Variants in GIMAP2 observed in about 807,000 individuals in gnomAD.
GIMAP2 encodes the protein GTPase IMAP family member 2.
A neutral mutation model predicts 25.5 loss-of-function variants in GIMAP2; 22 were observed. The observed-to-expected ratio is 0.86, with a 90% CI of 0.62 to 1.23. GIMAP2 has a LOEUF of 1.23. Among genes scored for constraint, GIMAP2 ranks in the 50% most tolerant of loss-of-function variants. The pLI is 0.00. For synonymous variants in GIMAP2, 167 were observed against 143.0 expected, an observed-to-expected ratio of 1.17 and a Z score of -1.20; for missense variants, 422 against 395.7, an observed-to-expected ratio of 1.07 and a Z score of -0.56.
At chr7:150,691,628 T>G (rs1585207942) in intron 2 of GIMAP2, among the ~76,000 whole-genome samples, 1 of 152,302 alleles carries the variant, frequency 6.6e-6, no homozygotes, top group East Asian at 1.9e-4. Context: ...AAGGTCAAAG[T>G]AGCAACCTCT....
chr7:150,692,435 C>G lies in GIMAP2; in HGVS notation c.149C>G (p.Ser50Trp). The G allele has an allele frequency of 2.5e-6, 4 of 1,614,122 alleles. No homozygotes were observed. The highest frequency in any genetic ancestry group is 2.5e-6 in the Non-Finnish European group (3 of 1,180,016). Residue 50 changes from serine to tryptophan, a missense_variant, in exon 3 of 3, where the codon TCG becomes TGG. Transcript: ENST00000223293. ...NSILRKQAFE[S>W]KLGSQTLTKT... Reference sequence around the variant, plus strand: ...ATCCTCAGGAAGCAAGCATTTGAATCGAAGCTGGGTTCCCAGACCTTGACT... The same window carrying G: ...ATCCTCAGGAAGCAAGCATTTGAATGGAAGCTGGGTTCCCAGACCTTGACT...
chr7:150,687,351 C>A lies in GIMAP2; in HGVS notation c.28+264C>A, dbSNP rs111490398. The A allele has an allele frequency of 6.6e-3, 2,283 of 343,864 alleles. 54 individuals are homozygous for A. Among genetic ancestry groups the A allele is most frequent in the African/African-American group, 0.044 (2,094 of 47,208 alleles). The allele number at this position is 343,864 out of a possible 1,614,324, so 21.3% of individuals were successfully genotyped here. A position where few individuals can be genotyped will look rare whatever the true frequency, so the allele number is the denominator to read the frequency against. ...GCAGTGGCGCAATCTCGGCTCACTG[C>A]AACCTCCACCTCCCAGGTTCAAGTG... is the stretch of plus-strand genomic sequence containing the variant. On this transcript the variant is annotated intron_variant, in intron 2 of 2. Coordinates refer to ENST00000223293, the MANE Select transcript of GIMAP2 (RefSeq NM_015660.3).
At chr7:150,687,249 G>T in intron 2 of GIMAP2, 162 bp downstream of exon 2, 1 of 570,656 alleles carries the variant, frequency 1.8e-6, no homozygotes, top group South Asian at 2.4e-5. Context: ...TGAAAATTGT[G>T]GGGTTTTGTT....
intron 1 of GIMAP2, 104 bp from the exon 2 acceptor site, chr7:150,686,948 A>AG: frequency 1.4e-6 from 1 of 724,120 alleles, no homozygotes; most frequent in East Asian, 3.1e-5. Context: ...TGTCTCAAAA[A>AG]AAAAAAAAAA....
In GIMAP2 at chr7:150,693,460, ACT is replaced by A. The variant is rs1249533477; in HGVS notation, c.*161_*162del. On this transcript the variant is annotated 3_prime_UTR_variant, in exon 3 of 3. Transcript: ENST00000223293. The stretch of plus-strand genomic sequence containing the variant: ...AATGAACCAAATCATACGATAAGTT[ACT>A]GTTTGCATTGAAATATAATATCAAA... The A allele has an allele frequency of 1.3e-5, 7 of 532,452 alleles. No homozygotes were observed. The highest frequency in any genetic ancestry group is 4.8e-4 in the Middle Eastern group (1 of 2,082). The allele number at this position is 532,452 out of a possible 1,614,324, so 33.0% of individuals were successfully genotyped here.
At position 150,692,981 on chromosome 7, in the gene GIMAP2, C is replaced by G; in HGVS notation, c.695C>G (p.Ser232Ter). ...IQRSKCGPVG[S>*]DERVKEFKQS... ...AGGTCTAAATGTGGACCTGTGGGAT[C>G]AGATGAAAGAGTAAAGGAATTCAAA... Residue 232 changes from serine (S) to a stop codon, truncating the protein, a stop_gained, in exon 3 of 3, where the codon TCA becomes TGA. Transcript: ENST00000223293. LOFTEE classifies it high-confidence loss of function. The G allele has an allele frequency of 6.2e-7, 1 of 1,613,674 alleles. No homozygotes were observed. The highest frequency in any genetic ancestry group is 8.5e-7 in the Non-Finnish European group (1 of 1,179,604).
Position 150,692,488 on chromosome 7 carries a change from T to G in GIMAP2, c.202T>G (p.Trp68Gly). ...GACTTGCAGCAAAAGTCAGGGAAGCTGGGGAAATAGAGAGATTGTCATTAT... is the reference window on the plus strand; with the variant it reads ...GACTTGCAGCAAAAGTCAGGGAAGCGGGGGAAATAGAGAGATTGTCATTAT... ...TKTCSKSQGSWGNREIVIIDT... is the reference protein window; with the variant it reads ...TKTCSKSQGSGGNREIVIIDT... The change falls in exon 3 of 3, where the codon TGG becomes GGG. Residue 68 changes from tryptophan (W) to glycine (G), a missense_variant. Transcript: ENST00000223293. 6.2e-7 allele frequency: 1 copy of G among 1,614,168 alleles called. No individual in the cohort carries two copies. The highest frequency in any genetic ancestry group is 8.5e-7 in the Non-Finnish European group (1 of 1,180,000).
chr7:150,693,098 T>A lies in GIMAP2; in HGVS notation c.812T>A (p.Leu271Gln). Residue 271 changes from leucine to glutamine, a missense_variant, in exon 3 of 3, where the codon CTG becomes CAG. Physicochemically the swap from Leu to Gln is moderately radical, Grantham distance 113. Coordinates refer to ENST00000223293, the MANE Select transcript of GIMAP2 (RefSeq NM_015660.3). The part of the protein sequence containing the change: ...CLKGALIKTQ[L>Q]CVLFCIQLFL... Reference sequence around the variant, plus strand: ...AAAGGAGCCTTAATCAAAACACAACTGTGTGTTTTATTTTGTATTCAGTTG... The same window carrying A: ...AAAGGAGCCTTAATCAAAACACAACAGTGTGTTTTATTTTGTATTCAGTTG... The A allele has an allele frequency of 1.2e-6, 2 of 1,611,606 alleles. No homozygotes were observed. The highest frequency in any genetic ancestry group is 1.7e-6 in the Non-Finnish European group (2 of 1,177,746).
chr7:150,690,373 G>A (rs1401324719), intron 2 of GIMAP2, among the ~76,000 whole-genome samples: 1 of 152,168 alleles, frequency 6.6e-6, no homozygotes, highest in Non-Finnish European at 1.5e-5. Context: ...CTTCTGAGTA[G>A]ACTAGTGTCC....
chr7:150,691,475 C>T (rs1035929172), intron 2 of GIMAP2, among the ~76,000 whole-genome samples: 5 of 152,302 alleles, frequency 3.3e-5, no homozygotes, highest in Admixed American at 3.3e-4. Context: ...CAAAATTATG[C>T]CATGCTTTCT....
At chr7:150,686,943 CAAAAAAA>C (rs1224720533) in intron 1 of GIMAP2, 102 bp from the exon 2 acceptor site, 6 of 484,880 alleles carry the variant, frequency 1.2e-5, no homozygotes, top group South Asian at 2.3e-5. Flanking sequence ...AACTGTGTCT[CAAAAAAA>C]AAAAAAAAAA....
chr7:150,687,144 GTGTGTGTGTGTT>G, intron 2 of GIMAP2, 57 bp downstream of exon 2: 12 of 1,001,174 alleles, frequency 1.2e-5, no homozygotes, highest in East Asian at 2.5e-5. Flanking sequence ...GTGTGTGTGT[GTGTGTGTGTGTT>G]TGGCTCTTCT....
intron 2 of GIMAP2, chr7:150,689,766 C>A: frequency 2.1e-6 from 1 of 476,012 alleles, no homozygotes; most frequent in Non-Finnish European, 3.7e-6. Flanking sequence ...CATGGCAAAG[C>A]ACTAATACTT....
chr7:150,689,761 C>A, intron 2 of GIMAP2: 1 of 512,942 alleles, frequency 1.9e-6, no homozygotes, highest in Non-Finnish European at 3.5e-6. Context: ...AGCAGCATGG[C>A]AAAGCACTAA....
At position 150,692,923 on chromosome 7, in the gene GIMAP2, C is replaced by A. The variant is rs779515506; in HGVS notation, c.637C>A (p.His213Asn). The A allele has an allele frequency of 1.2e-6, 2 of 1,614,058 alleles. No individual in the cohort carries two copies. The highest frequency in any genetic ancestry group is 8.5e-7 in the Non-Finnish European group (1 of 1,180,016). ...TCTGTTGATGGAGAAAAATGGTGAT[C>A]ACTATACCAATGGGTTGTACAGCCT... The part of the protein sequence containing the change: ...EDLLMEKNGD[H>N]YTNGLYSLIQ... The change falls in exon 3 of 3, where the codon CAC becomes AAC. Residue 213 changes from histidine to asparagine, a missense_variant. By Grantham distance (68) the His-to-Asn change is moderately conservative. Coordinates refer to ENST00000223293, the MANE Select transcript of GIMAP2 (RefSeq NM_015660.3).
intron 2 of GIMAP2, chr7:150,689,649 A>T (rs1796943969): frequency 4.6e-6 from 3 of 651,960 alleles, no homozygotes; most frequent in African/African-American, 3.6e-5. Flanking sequence ...CTGTGAGGCC[A>T]TAATTTCACT....
Position 150,693,476 on chromosome 7 carries a change from TATA to T in GIMAP2, c.*180_*182del. 4.0e-6 allele frequency: 2 copies of T among 502,860 alleles called. No homozygotes were observed. Among genetic ancestry groups the T allele is most frequent in the Non-Finnish European group, 6.9e-6 (2 of 289,216 alleles). 31.1% of individuals were successfully genotyped at this position (502,860 alleles called of 1,614,324 possible). On this transcript the variant is annotated 3_prime_UTR_variant, in exon 3 of 3. Transcript: ENST00000223293. ...CGATAAGTTACTGTTTGCATTGAAA[TATA>T]ATATCAAAGCCTTTTGAAATCTGTA...
chr7:150,692,182 G>A (rs996164786), intron 2 of GIMAP2, 133 bp from the exon 3 acceptor site: 5 of 785,622 alleles, frequency 6.4e-6, no homozygotes, highest in African/African-American at 3.5e-5. Context: ...CCGAGATCAC[G>A]CCATTGCACT....
At chr7:150,691,909 C>G (rs1176363461) in intron 2 of GIMAP2, among the ~76,000 whole-genome samples, 1 of 152,176 alleles carries the variant, frequency 6.6e-6, no homozygotes, top group Non-Finnish European at 1.5e-5. Context: ...TTTTACATAA[C>G]GGGGAATACC....
Sources: gnomAD v4.1 joint callset for allele counts (sites outside exome capture counted in the v4.1 genomes callset) on GRCh38, gnomAD v4.1.1 for gene constraint, MANE v1.5 for transcripts, NCBI Gene and HGNC (gene_info 2026-07-23, HGNC 2026-07-21) for gene names.